The following SLC39A11 variants were observed in gnomAD, a reference collection of about 807,000 sequenced individuals.
SLC39A11 encodes zinc transporter ZIP11.
A neutral mutation model predicts 36.1 loss-of-function variants in SLC39A11; 33 were observed. That is an observed-to-expected ratio of 0.91 (90% CI 0.69 to 1.22). The LOEUF is 1.22. Ranked by LOEUF, SLC39A11 falls within the 50% of genes most tolerant of loss-of-function variation. The pLI is 0.00. For synonymous variants in SLC39A11, 166 were observed against 170.3 expected (o/e 0.97, Z 0.20); for missense variants, 432 against 430.3 (o/e 1.00, Z -0.03).
At chr17:73,039,919 T>C (rs2059054140) in intron 3 of SLC39A11, among the ~76,000 whole-genome samples, 1 of 152,152 alleles carries the variant, frequency 6.6e-6, no homozygotes, top group Non-Finnish European at 1.5e-5. Context: ...TGTGCTACCC[T>C]CTACCCCTAC....
At chr17:73,037,603 C>G (rs1418804948) in intron 3 of SLC39A11, among the ~76,000 whole-genome samples, 1 of 152,236 alleles carries the variant, frequency 6.6e-6, no homozygotes, top group African/African-American at 2.4e-5. Flanking sequence ...TAAAGGCAAA[C>G]AAGTGGGCTA....
At chr17:72,861,557 G>A (rs2079986093) in intron 5 of SLC39A11, among the ~76,000 whole-genome samples, 1 of 150,404 alleles carries the variant, frequency 6.6e-6, no homozygotes, top group Non-Finnish European at 1.5e-5. Context: ...GTTATCCAGA[G>A]CAGACTATGC....
intron 4 of SLC39A11, among the ~76,000 whole-genome samples, chr17:73,017,957 G>A (rs2058222183): frequency 6.6e-6 from 1 of 152,128 alleles, no homozygotes; most frequent in Non-Finnish European, 1.5e-5. Context: ...GATTCCAGAG[G>A]TCATATGGTA....
At chr17:72,794,917 CACG>C (rs1298369707) in intron 6 of SLC39A11, among the ~76,000 whole-genome samples, 2 of 152,100 alleles carry the variant, frequency 1.3e-5, no homozygotes, top group East Asian at 3.8e-4. Flanking sequence ...TGTCAACATC[CACG>C]ACATTAGCAT....
chr17:73,011,990 G>A (rs966090722), intron 4 of SLC39A11, among the ~76,000 whole-genome samples: 1 of 150,350 alleles, frequency 6.7e-6, no homozygotes, highest in African/African-American at 2.4e-5. Flanking sequence ...ATGACTGAAA[G>A]ATGGCCAGGT....
rs540541277 is a variant in SLC39A11 at position 72,869,640 on chromosome 17, C to T, written c.431-19836G>A. 1.8e-3 allele frequency among the ~76,000 whole-genome samples: 272 copies of T among 152,178 alleles called. 1 individual carries two copies. Among genetic ancestry groups the T allele is most frequent in the African/African-American group, 6.2e-3 (256 of 41,466 alleles). Reference sequence around the variant, plus strand: ...GGTGATCCACCCACCTCGGCCTCCTCGGCCTCCCAAAGTGCTGGGATTACA... The same window carrying T: ...GGTGATCCACCCACCTCGGCCTCCTTGGCCTCCCAAAGTGCTGGGATTACA... On this transcript the variant is annotated intron_variant, in intron 5 of 9. Transcript: ENST00000255559.
chr17:72,977,556 C>A (rs1434601951), intron 4 of SLC39A11, among the ~76,000 whole-genome samples: 2 of 152,120 alleles, frequency 1.3e-5, no homozygotes, highest in Non-Finnish European at 2.9e-5. Flanking sequence ...GGGGAGAACA[C>A]CCCCACCCCT....
At chr17:72,751,664 G>A (rs961942908) in intron 6 of SLC39A11, among the ~76,000 whole-genome samples, 19 of 151,848 alleles carry the variant, frequency 1.3e-4, no homozygotes, top group African/African-American at 3.9e-4. Context: ...TGCAATCTTC[G>A]CCTCCTGGAT....
At chr17:72,750,367 A>G (rs1363959179) in intron 6 of SLC39A11, among the ~76,000 whole-genome samples, 1 of 143,320 alleles carries the variant, frequency 7.0e-6, no homozygotes, top group Non-Finnish European at 1.5e-5. Context: ...CCCATCCCAC[A>G]GGCCGTACAT....
chr17:72,966,867 C>T (rs1487899308), intron 4 of SLC39A11, among the ~76,000 whole-genome samples: 3 of 152,364 alleles, frequency 2.0e-5, no homozygotes, highest in South Asian at 2.1e-4. Context: ...CCACGCCCGG[C>T]CGCTTCATCT....
chr17:72,675,642 T>C (rs1471337065), intron 7 of SLC39A11, among the ~76,000 whole-genome samples: 1 of 152,152 alleles, frequency 6.6e-6, no homozygotes, highest in Non-Finnish European at 1.5e-5. Flanking sequence ...CTCTAGTCGT[T>C]GCTCTGTGAG....
chr17:72,895,860 AT>A (rs2146813226), intron 5 of SLC39A11, among the ~76,000 whole-genome samples: 1 of 152,362 alleles, frequency 6.6e-6, no homozygotes, highest in South Asian at 2.1e-4. Flanking sequence ...GGGGTATTTT[AT>A]TTAACCAAAT....
intron 5 of SLC39A11, among the ~76,000 whole-genome samples, chr17:72,864,554 ACAC>A (rs2080205845): frequency 6.6e-6 from 1 of 152,132 alleles, no homozygotes; most frequent in African/African-American, 2.4e-5. Flanking sequence ...ACGATTCTGA[ACAC>A]CATAGATACA....
chr17:72,903,127 G>C (rs186090085), intron 5 of SLC39A11, among the ~76,000 whole-genome samples: 3 of 151,998 alleles, frequency 2.0e-5, no homozygotes, highest in Non-Finnish European at 2.9e-5. Context: ...TTAGCAGGGC[G>C]TGGTGGCAGG....
intron 7 of SLC39A11, among the ~76,000 whole-genome samples, chr17:72,668,318 T>A (rs1030965904): frequency 4.0e-5 from 6 of 150,286 alleles, no homozygotes; most frequent in African/African-American, 1.2e-4. Flanking sequence ...AAAAAAAAAA[T>A]TCCCTAGCTC....
At chr17:72,648,741 C>A in intron 9 of SLC39A11, 62 bp downstream of exon 9, 4 of 1,599,384 alleles carry the variant, frequency 2.5e-6, no homozygotes, top group Non-Finnish European at 2.6e-6. Context: ...AGAGCATATC[C>A]CAAGGCTGGG....
intron 5 of SLC39A11, among the ~76,000 whole-genome samples, chr17:72,922,354 C>T (rs1359761264): frequency 6.6e-6 from 1 of 152,180 alleles, no homozygotes; most frequent in Non-Finnish European, 1.5e-5. Context: ...AGTTAATGAT[C>T]CAGAACATAT....
chr17:72,769,294 G>A (rs918595078), intron 6 of SLC39A11, among the ~76,000 whole-genome samples: 5 of 152,128 alleles, frequency 3.3e-5, no homozygotes, highest in East Asian at 1.9e-4. Flanking sequence ...ATACAGTGTT[G>A]TCACTCATCT....
At chr17:72,742,656 C>CT (rs1288066556) in intron 6 of SLC39A11, among the ~76,000 whole-genome samples, 8 of 152,026 alleles carry the variant, frequency 5.3e-5, no homozygotes, top group East Asian at 3.8e-4. Context: ...AAAAATTTTC[C>CT]TTTTTTTTCC....
Sources: allele counts gnomAD v4.1 joint callset (sites outside exome capture counted in the v4.1 genomes callset), GRCh38; gene constraint gnomAD v4.1.1; transcripts MANE v1.5; gene names NCBI Gene and HGNC (gene_info 2026-07-23, HGNC 2026-07-21).